ABR: variants seen among roughly 807,000 people sequenced by gnomAD.
ABR encodes ABR activator of RhoGEF and GTPase, also known as active breakpoint cluster region-related protein.
ABR carries 35 observed loss-of-function variants against 107.2 expected under a neutral mutation model. The ratio of observed to expected loss-of-function variants is 0.33; its 90% CI spans 0.25 to 0.43. The LOEUF is 0.43. Among genes scored for constraint, ABR ranks in the 20% least tolerant of loss-of-function variants. The pLI is 1.00. For synonymous variants in ABR, 498 were observed against 462.0 expected (o/e 1.08, Z -1.00); for missense variants, 815 against 1,115.2 (o/e 0.73, Z 3.83).
intron 14 of ABR, among the ~76,000 whole-genome samples, chr17:1,053,468 C>A (rs191163725): frequency 1.3e-5 from 2 of 152,022 alleles, no homozygotes; most frequent in African/African-American, 4.8e-5. Flanking sequence ...AGCGAGGGTT[C>A]CGGAGTCAGA....
Position 1,154,047 on chromosome 17 carries a change from C to T in ABR, c.61+25620G>A, listed in dbSNP as rs949495167. On this transcript the variant is annotated intron_variant, in intron 1 of 22. Coordinates refer to ENST00000302538, the MANE Select transcript of ABR (RefSeq NM_021962.5). This position sits in a 1 kb window ranked among gnomAD's most constrained non-coding sequence, Gnocchi z 4.0. Reference sequence around the variant, plus strand: ...CTCGGGGGCGGGCGCGTGGGAGGACCAACGAAGAGGGAGGAGGTGGGCACG... The same window carrying T: ...CTCGGGGGCGGGCGCGTGGGAGGACTAACGAAGAGGGAGGAGGTGGGCACG... 1.3e-5 allele frequency: 2 copies of T among 155,506 alleles called. No individual in the cohort carries two copies. The highest frequency in any genetic ancestry group is 2.4e-5 in the African/African-American group (1 of 41,580). The allele number at this position is 155,506 out of a possible 1,614,324, so 9.6% of individuals were successfully genotyped here. A position where few individuals can be genotyped will look rare whatever the true frequency, so the allele number is the denominator to read the frequency against.
intron 5 of ABR, 56 bp downstream of exon 5, chr17:1,083,464 T>G: frequency 7.4e-7 from 1 of 1,350,514 alleles, no homozygotes. Context: ...CCAAGGGCTC[T>G]GAGCAGCCCC....
intron 5 of ABR, among the ~76,000 whole-genome samples, chr17:1,079,982 G>C (rs1260896325): frequency 3.9e-5 from 6 of 151,948 alleles, no homozygotes; most frequent in Non-Finnish European, 8.8e-5. Context: ...AGGCTGGCAG[G>C]GAGCCCTGTG....
chr17:1,049,782 A>G (rs2032238289), intron 16 of ABR, among the ~76,000 whole-genome samples: 1 of 152,202 alleles, frequency 6.6e-6, no homozygotes, highest in South Asian at 2.1e-4. Context: ...CCCATAGACT[A>G]AAGCTGGCGT....
chr17:1,135,312 G>A (rs2040009865), intron 1 of ABR, among the ~76,000 whole-genome samples: 1 of 152,158 alleles, frequency 6.6e-6, no homozygotes, highest in African/African-American at 2.4e-5. Context: ...ATCCTCTGCA[G>A]GCTCTTGCCG....
chr17:1,064,398 C>G (rs1597631047), intron 10 of ABR, among the ~76,000 whole-genome samples: 2 of 132,592 alleles, frequency 1.5e-5, no homozygotes, highest in East Asian at 2.2e-4. Flanking sequence ...TATGCATGTT[C>G]CTCTAGACAC....
intron 1 of ABR, among the ~76,000 whole-genome samples, chr17:1,137,940 A>G (rs1238225939): frequency 6.6e-6 from 1 of 150,718 alleles, no homozygotes; most frequent in Non-Finnish European, 1.5e-5. Context: ...TCACTCTGTC[A>G]CCCAGGCTGG....
intron 16 of ABR, among the ~76,000 whole-genome samples, chr17:1,031,002 A>T (rs1871852789): frequency 6.6e-6 from 1 of 152,080 alleles, no homozygotes; most frequent in Non-Finnish European, 1.5e-5. Context: ...TTTAATCCCA[A>T]CTCAGGTCTG....
intron 1 of ABR, among the ~76,000 whole-genome samples, chr17:1,132,019 C>T (rs531658813): frequency 6.6e-6 from 1 of 151,778 alleles, no homozygotes; most frequent in South Asian, 2.1e-4. Context: ...CTGCCACGCA[C>T]ACAGCTCCCC....
At chr17:1,149,608 G>C (rs1474771145) in intron 1 of ABR, among the ~76,000 whole-genome samples, 1 of 152,036 alleles carries the variant, frequency 6.6e-6, no homozygotes, top group Non-Finnish European at 1.5e-5. Context: ...AGTAGAGATG[G>C]GGTTTCACCA....
chr17:1,052,422 G>T (rs566854140), intron 14 of ABR, among the ~76,000 whole-genome samples: 53 of 46,746 alleles, frequency 1.1e-3, no homozygotes, highest in South Asian at 5.5e-3. Flanking sequence ...TCCGGAAGGG[G>T]CTGGGGGAGG....
chr17:1,104,176 G>C (rs968781286), intron 2 of ABR, among the ~76,000 whole-genome samples: 1 of 152,144 alleles, frequency 6.6e-6, no homozygotes, highest in Non-Finnish European at 1.5e-5. Flanking sequence ...CTCCCAGCCA[G>C]AACTTGTGAA....
At chr17:1,056,331 G>T (rs36069025) in intron 13 of ABR, among the ~76,000 whole-genome samples, 2 of 152,032 alleles carry the variant, frequency 1.3e-5, no homozygotes, top group Non-Finnish European at 2.9e-5. Flanking sequence ...ACTCAGCCTG[G>T]GGGGGTCCAG....
At chr17:1,069,493 G>A (rs368317629) in intron 9 of ABR, among the ~76,000 whole-genome samples, 5 of 152,152 alleles carry the variant, frequency 3.3e-5, no homozygotes, top group Admixed American at 2.0e-4. Flanking sequence ...GCAAAACCCC[G>A]TCTCTACTAA....
intron 4 of ABR, among the ~76,000 whole-genome samples, chr17:1,086,647 C>T (rs796583640): frequency 4.6e-5 from 7 of 152,218 alleles, no homozygotes; most frequent in East Asian, 1.9e-4. Flanking sequence ...ACTACAGGCA[C>T]GCACCACCAC....
At position 1,172,858 on chromosome 17, in the gene ABR, C is replaced by G. The variant is rs940134417; in HGVS notation, c.61+6809G>C. Among the ~76,000 whole-genome samples the G allele has an allele frequency of 2.6e-5, 4 of 152,018 alleles. No individual in the cohort carries two copies. The South Asian group carries it at 8.3e-4, about 31-fold the overall frequency. On this transcript the variant is annotated intron_variant, in intron 1 of 22. Transcript: ENST00000302538. ...TCACAAACAGCCTCCCCTATCACAGCCCCAGAGATGGGTGAGCTGCAGAAC... is the reference window on the plus strand; with the variant it reads ...TCACAAACAGCCTCCCCTATCACAGGCCCAGAGATGGGTGAGCTGCAGAAC...
At chr17:1,144,209 C>A (rs1162325286) in intron 1 of ABR, among the ~76,000 whole-genome samples, 3 of 152,132 alleles carry the variant, frequency 2.0e-5, no homozygotes, top group Admixed American at 6.6e-5. Flanking sequence ...ATAGAGGAAT[C>A]ATATTGCAGA....
In ABR at chr17:1,011,117, C is replaced by T. The variant is rs1249904570; in HGVS notation, c.2102-254G>A. On this transcript the variant is annotated intron_variant, in intron 19 of 22. Coordinates refer to ENST00000302538, the MANE Select transcript of ABR (RefSeq NM_021962.5). This position sits in a 1 kb window ranked among gnomAD's most constrained non-coding sequence, Gnocchi z 4.8. ...AGGGTGTTTGGGGAGTGAAATCCAT[C>T]ACCCAGAGTTCAGAGCCACATTCAT... 3 of 524,136 alleles carry T rather than the reference C, an allele frequency of 5.7e-6. No homozygotes were observed. The African/African-American group carries it at 5.7e-5, about 10-fold the overall frequency. The allele number at this position is 524,136 out of a possible 1,614,324, so 32.5% of individuals were successfully genotyped here. A position where few individuals can be genotyped will look rare whatever the true frequency, so the allele number is the denominator to read the frequency against.
intron 9 of ABR, among the ~76,000 whole-genome samples, chr17:1,069,311 A>G (rs1281477225): frequency 6.6e-6 from 1 of 152,184 alleles, no homozygotes; most frequent in Non-Finnish European, 1.5e-5. Context: ...TAAAAACATG[A>G]CTTACTTTCA....
Sources: gnomAD v4.1 joint callset for allele counts (sites outside exome capture counted in the v4.1 genomes callset) on GRCh38, gnomAD v4.1.1 for gene constraint, Gnocchi (gnomAD v3.1) non-coding constraint, MANE v1.5 for transcripts, NCBI Gene and HGNC (gene_info 2026-07-23, HGNC 2026-07-21) for gene names.